ASTN2: variants seen among roughly 807,000 people sequenced by gnomAD.
ASTN2 encodes astrotactin 2.
In ASTN2, 54 loss-of-function variants were observed where a neutral mutation model predicts 139.8. That is an observed-to-expected ratio of 0.39 (90% confidence interval 0.31 to 0.48). The LOEUF (loss-of-function observed/expected upper bound fraction) is 0.48. Among genes scored for constraint, ASTN2 ranks in the 20% least tolerant of loss-of-function variants. The probability of loss-of-function intolerance (pLI) is 0.95; values close to 1 mark genes in which losing one functional copy is unlikely to be tolerated. For missense variants in ASTN2, 1,565 were observed against 1,725.1 expected, an observed-to-expected ratio of 0.91 and a Z score of 1.64; for synonymous variants, 756 against 719.5, an observed-to-expected ratio of 1.05 and a Z score of -0.81.
chr9:116,695,077 G>A (rs866948576), intron 16 of ASTN2, among the ~76,000 whole-genome samples: 1 of 152,142 alleles, frequency 6.6e-6, no homozygotes, highest in Non-Finnish European at 1.5e-5. Flanking sequence ...TCCCCAGAGC[G>A]TGGTCAAGGG....
At chr9:116,857,383 C>A (rs1051283565) in intron 11 of ASTN2, among the ~76,000 whole-genome samples, 4 of 152,124 alleles carry the variant, frequency 2.6e-5, no homozygotes, top group African/African-American at 9.7e-5. Context: ...CACAGAGAAA[C>A]AAAGTGGTTT....
intron 19 of ASTN2, among the ~76,000 whole-genome samples, chr9:116,520,041 G>A (rs550190652): frequency 7.2e-5 from 11 of 152,150 alleles, no homozygotes; most frequent in African/African-American, 2.6e-4. Context: ...AATAGTCCAG[G>A]ACCAGAAAGA....
chr9:117,005,091 T>C (rs903127348), intron 7 of ASTN2, among the ~76,000 whole-genome samples: 1 of 139,906 alleles, frequency 7.1e-6, no homozygotes, highest in African/African-American at 2.7e-5. Context: ...TTTTTTTTTT[T>C]TTTTTTTTTT....
At chr9:116,733,990 C>T in intron 13 of ASTN2, among the ~76,000 whole-genome samples, 1 of 151,594 alleles carries the variant, frequency 6.6e-6, no homozygotes, top group African/African-American at 2.4e-5. Flanking sequence ...GAACAAGGGG[C>T]AAGACTAGGC....
chr9:116,565,625 C>A (rs1290586664), intron 19 of ASTN2, among the ~76,000 whole-genome samples: 1 of 150,362 alleles, frequency 6.7e-6, no homozygotes, highest in Non-Finnish European at 1.5e-5. Flanking sequence ...TGGGCACACA[C>A]CACCATGTGG....
intron 5 of ASTN2, among the ~76,000 whole-genome samples, chr9:117,091,283 T>C (rs1828699355): frequency 2.0e-5 from 3 of 152,188 alleles, no homozygotes; most frequent in African/African-American, 2.4e-5. Context: ...ATTCATTCAT[T>C]CATTCAAAAT....
intron 1 of ASTN2, among the ~76,000 whole-genome samples, chr9:117,393,047 C>T (rs751881540): frequency 1.3e-5 from 2 of 152,176 alleles, no homozygotes; most frequent in African/African-American, 2.4e-5. Context: ...GACAAAGAGG[C>T]TACCTGTCAG....
At chr9:117,252,978 A>G (rs1163698274) in intron 2 of ASTN2, among the ~76,000 whole-genome samples, 1 of 152,210 alleles carries the variant, frequency 6.6e-6, no homozygotes, top group African/African-American at 2.4e-5. Flanking sequence ...CAAGCTCTTC[A>G]TCTCAGAGTC....
At chr9:116,756,299 G>A (rs1316272181) in intron 13 of ASTN2, among the ~76,000 whole-genome samples, 1 of 152,156 alleles carries the variant, frequency 6.6e-6, no homozygotes, top group Non-Finnish European at 1.5e-5. Flanking sequence ...ACAGATGCCA[G>A]AGCTCATGGT....
chr9:116,647,627 C>T (rs1354118756), intron 17 of ASTN2, among the ~76,000 whole-genome samples: 2 of 152,150 alleles, frequency 1.3e-5, no homozygotes, highest in African/African-American at 4.8e-5. Flanking sequence ...GCAAAAGTCC[C>T]GTGGCTTGGC....
intron 16 of ASTN2, among the ~76,000 whole-genome samples, chr9:116,707,836 C>A (rs1828033000): frequency 6.6e-6 from 1 of 152,030 alleles, no homozygotes; most frequent in Non-Finnish European, 1.5e-5. Context: ...AACAAAGTAC[C>A]CCTATAATCT....
chr9:116,911,830 T>C (rs2132421828), intron 10 of ASTN2, among the ~76,000 whole-genome samples: 1 of 152,152 alleles, frequency 6.6e-6, no homozygotes, highest in African/African-American at 2.4e-5. Context: ...AGTGGGGAGC[T>C]TGCAGTGAGC....
chr9:117,268,801 C>G (rs1244939209), intron 2 of ASTN2, among the ~76,000 whole-genome samples: 4 of 152,202 alleles, frequency 2.6e-5, no homozygotes, highest in Middle Eastern at 6.8e-3. Flanking sequence ...TCTCTGGGGC[C>G]CCAGTCTCAA....
intron 3 of ASTN2, among the ~76,000 whole-genome samples, chr9:117,187,349 G>A (rs1430453917): frequency 6.6e-6 from 1 of 152,002 alleles, no homozygotes; most frequent in Non-Finnish European, 1.5e-5. Flanking sequence ...AGATGCAAAG[G>A]CCCTGAGATT....
chr9:117,206,691 A>C (rs1171214829), intron 3 of ASTN2, among the ~76,000 whole-genome samples: 2 of 152,128 alleles, frequency 1.3e-5, no homozygotes, highest in African/African-American at 4.8e-5. Flanking sequence ...CAGAGCAGAG[A>C]AACCAACCCC....
chr9:116,477,033 C>G (rs188355611), intron 20 of ASTN2, among the ~76,000 whole-genome samples: 8 of 152,036 alleles, frequency 5.3e-5, no homozygotes, highest in Non-Finnish European at 1.0e-4. Flanking sequence ...GCCTCAGCTC[C>G]CACCCCCTCC....
chr9:117,299,144 GA>G (rs558852535), intron 1 of ASTN2, among the ~76,000 whole-genome samples: 3 of 152,004 alleles, frequency 2.0e-5, no homozygotes, highest in East Asian at 3.9e-4. Flanking sequence ...TAAACAGCTG[GA>G]AAAAAAATAC....
chr9:116,917,414 C>A (rs1022651510), intron 10 of ASTN2, among the ~76,000 whole-genome samples: 1 of 152,118 alleles, frequency 6.6e-6, no homozygotes, highest in Admixed American at 6.5e-5. Context: ...CCGTTCCATG[C>A]ACAGGGCTTA....
intron 1 of ASTN2, among the ~76,000 whole-genome samples, chr9:117,297,004 G>A (rs1312077607): frequency 6.6e-6 from 1 of 152,126 alleles, no homozygotes; most frequent in Non-Finnish European, 1.5e-5. Context: ...AATCCCAAAG[G>A]CATGTTGTGC....
Sources: gnomAD v4.1 joint callset for allele counts (sites outside exome capture counted in the v4.1 genomes callset) on GRCh38, gnomAD v4.1.1 for gene constraint, MANE v1.5 for transcripts, NCBI Gene and HGNC (gene_info 2026-07-23, HGNC 2026-07-21) for gene names.